Variants in ELMOD2 observed in about 807,000 individuals in gnomAD.
ELMOD2 encodes ELMO domain containing 2.
ELMOD2 carries 28 observed loss-of-function variants against 41.0 expected under a neutral mutation model. That is an observed-to-expected ratio of 0.68 (90% CI 0.51 to 0.94). The LOEUF is 0.94. ELMOD2 is among the 40% of genes least tolerant of loss of function. The pLI is 0.00. For missense variants in ELMOD2, 333 were observed against 343.1 expected (o/e 0.97, Z 0.23); for synonymous variants, 106 against 107.2 (o/e 0.99, Z 0.07).
intron 3 of ELMOD2, among the ~76,000 whole-genome samples, chr4:140,535,137 TTCTCTCTCTCTCTCTCTCTC>T (rs10526729): frequency 4.9e-5 from 7 of 141,498 alleles, no homozygotes; most frequent in African/African-American, 8.0e-5. Flanking sequence ...ATCTGTTTCT[TTCTCTCTCTCTCTCTCTCTC>T]TCTCTCTCTC....
chr4:140,540,905 G>A (rs1356631043), intron 6 of ELMOD2, among the ~76,000 whole-genome samples: 5 of 151,318 alleles, frequency 3.3e-5, no homozygotes. Context: ...TTTCTCTCTC[G>A]GCTCTCTGAT....
intron 4 of ELMOD2, among the ~76,000 whole-genome samples, chr4:140,536,316 G>C (rs1209109031): frequency 6.6e-6 from 1 of 152,084 alleles, no homozygotes; most frequent in Admixed American, 6.6e-5. Flanking sequence ...CCATTTCTGT[G>C]TTCCCAGCGC....
chr4:140,549,808 C>T (rs1294078187), intron 8 of ELMOD2, among the ~76,000 whole-genome samples: 2 of 150,404 alleles, frequency 1.3e-5, no homozygotes, highest in Non-Finnish European at 3.0e-5. Context: ...ACCTCAGCCT[C>T]CCAAGTAGCT....
chr4:140,540,961 T>C (rs188646579), intron 6 of ELMOD2, among the ~76,000 whole-genome samples: 9 of 152,310 alleles, frequency 5.9e-5, no homozygotes, highest in Admixed American at 5.9e-4. Flanking sequence ...TAAAGTCTCT[T>C]TATATATGTT....
At chr4:140,544,469 A>G (rs759727996) in intron 8 of ELMOD2, among the ~76,000 whole-genome samples, 1 of 152,226 alleles carries the variant, frequency 6.6e-6, no homozygotes, top group Admixed American at 6.5e-5. Context: ...AATGGCCTTT[A>G]GCAGTTTTTT....
At position 140,536,626 on chromosome 4, in the gene ELMOD2, A is replaced by G. The variant is rs151096334; in HGVS notation, c.270-786A>G. On this transcript the variant is annotated intron_variant, in intron 4 of 8. Coordinates refer to ENST00000323570, the MANE Select transcript of ELMOD2 (RefSeq NM_153702.4). The stretch of plus-strand genomic sequence containing the variant: ...TGGCTGGAGAAATGAGTGAAATGCT[A>G]GATTGATACATTGCAGAGTCTTGTA... Among the ~76,000 whole-genome samples, 51 of 152,314 alleles carry G rather than the reference A, an allele frequency of 3.3e-4. No homozygotes were observed. The Middle Eastern group carries it at 0.01, about 30-fold the overall frequency.
chr4:140,535,138 TC>T (rs1441452434), intron 3 of ELMOD2, among the ~76,000 whole-genome samples: 7 of 4,314 alleles, frequency 1.6e-3, no homozygotes. Flanking sequence ...TCTGTTTCTT[TC>T]TCTCTCTCTC....
At chr4:140,535,006 GTACTCATAT>G (rs1734867821) in intron 3 of ELMOD2, among the ~76,000 whole-genome samples, 1 of 152,146 alleles carries the variant, frequency 6.6e-6, no homozygotes, top group Non-Finnish European at 1.5e-5. Flanking sequence ...CACTCTTCCT[GTACTCATAT>G]TATCTCAGGA....
intron 1 of ELMOD2, 138 bp downstream of exon 1, chr4:140,524,418 C>T: frequency 4.9e-6 from 1 of 203,942 alleles, no homozygotes; most frequent in Non-Finnish European, 8.7e-6. Flanking sequence ...GAGCCCTGCC[C>T]TCCCATTCGC....
chr4:140,527,571 G>T lies in ELMOD2; in HGVS notation c.171+77G>T, dbSNP rs1366492846. The T allele has an allele frequency of 7.5e-6, 9 of 1,195,240 alleles. No individual in the cohort carries two copies. The Admixed American group carries it at 2.3e-4, about 31-fold the overall frequency. 74.0% of individuals were successfully genotyped at this position (1,195,240 alleles called of 1,614,324 possible). On this transcript the variant is annotated intron_variant, in intron 3 of 8. Transcript: ENST00000323570. ...TTTCTTAAAAAAAAAAAAGTGCCCT[G>T]CTAGAAGAGTGTTTTCTATAGTGAG...
intron 4 of ELMOD2, 74 bp downstream of exon 4, chr4:140,535,904 T>C: frequency 3.0e-6 from 4 of 1,348,180 alleles, no homozygotes. Context: ...CACACTGTTG[T>C]AACACTTTAG....
chr4:140,545,148 G>A (rs372993113), intron 8 of ELMOD2, among the ~76,000 whole-genome samples: 32 of 151,274 alleles, frequency 2.1e-4, no homozygotes, highest in East Asian at 3.9e-4. Context: ...TTTTTTTGCC[G>A]CCTAATACAA....
At position 140,537,453 on chromosome 4, in the gene ELMOD2, G is replaced by A; in HGVS notation, c.311G>A (p.Gly104Asp). ...AAGATGTGCTTACTGCAGATAACTG[G>A]TTATAAACAGCTGTATTTGGATGTA... ...CMKMCLLQIT[G>D]YKQLYLDVES... Residue 104 changes from glycine (G) to aspartate (D), a missense_variant, in exon 5 of 9, where the codon GGT becomes GAT. Physicochemically the swap from Gly to Asp is moderately conservative, Grantham distance 94 (BLOSUM62 -1). Transcript: ENST00000323570. 2 of 1,567,374 alleles carry A rather than the reference G, an allele frequency of 1.3e-6. No individual in the cohort carries two copies. The highest frequency in any genetic ancestry group is 1.7e-6 in the Non-Finnish European group (2 of 1,161,602).
At chr4:140,532,473 G>C (rs577317625) in intron 3 of ELMOD2, among the ~76,000 whole-genome samples, 2 of 152,256 alleles carry the variant, frequency 1.3e-5, no homozygotes, top group East Asian at 3.9e-4. Context: ...GGCCTGTCAT[G>C]TTGAGTTTTC....
rs944887177 is a variant in ELMOD2 at position 140,524,475 on chromosome 4, GGTGCTCAGGCGCCGCTACGC to G, written c.-10+200_-10+219del. The G allele has an allele frequency of 5.6e-4, 263 of 472,558 alleles. 3 individuals carry two copies. The highest frequency in any genetic ancestry group is 5.1e-3 in the African/African-American group (242 of 47,232). 29.3% of individuals were successfully genotyped at this position (472,558 alleles called of 1,614,324 possible). Reference sequence around the variant, plus strand: ...GGCGCAGAGACGCCCAGAGCCCTGGGGTGCTCAGGCGCCGCTACGCGTGCATCCCCTCTGCTCGGCAGTTC... The same window carrying G: ...GGCGCAGAGACGCCCAGAGCCCTGGGGTGCATCCCCTCTGCTCGGCAGTTC... On this transcript the variant is annotated intron_variant, in intron 1 of 8. Transcript: ENST00000323570.
intron 4 of ELMOD2, among the ~76,000 whole-genome samples, chr4:140,536,910 A>C (rs1319632659): frequency 6.6e-6 from 1 of 152,160 alleles, no homozygotes; most frequent in Non-Finnish European, 1.5e-5. Context: ...CTTTTGATAC[A>C]TTGTGATGGA....
intron 1 of ELMOD2, 58 bp from the exon 2 acceptor site, chr4:140,525,362 A>G (rs565212208): frequency 2.0e-6 from 3 of 1,469,440 alleles, no homozygotes; most frequent in East Asian, 4.7e-5. Context: ...TAAACTTTTT[A>G]AATTTTAAAA....
chr4:140,524,639 C>T, intron 1 of ELMOD2: 1 of 985,450 alleles, frequency 1.0e-6, no homozygotes, highest in Non-Finnish European at 1.2e-6. Context: ...TTCGACAGTC[C>T]CTCCTCAGGC....
At chr4:140,549,998 A>G (rs1735419746) in intron 8 of ELMOD2, among the ~76,000 whole-genome samples, 1 of 152,044 alleles carries the variant, frequency 6.6e-6, no homozygotes, top group Admixed American at 6.6e-5. Flanking sequence ...AAAGTACTAT[A>G]TCTTTTAAAC....
Sources: allele counts gnomAD v4.1 joint callset (sites outside exome capture counted in the v4.1 genomes callset), GRCh38; gene constraint gnomAD v4.1.1; transcripts MANE v1.5; gene names NCBI Gene and HGNC (gene_info 2026-07-23, HGNC 2026-07-21).